SLC30A8: variants seen among roughly 807,000 people sequenced by gnomAD.
SLC30A8 encodes proton-coupled zinc antiporter SLC30A8.
In SLC30A8, 27 loss-of-function variants were observed where a neutral mutation model predicts 36.9. That is an observed-to-expected ratio of 0.73 (90% CI 0.54 to 1.01). The LOEUF is 1.01. SLC30A8 is among the 50% of genes least tolerant of loss of function. SLC30A8 has a pLI of 0.00. For missense variants in SLC30A8, 439 were observed against 452.0 expected (o/e 0.97, Z 0.26); for synonymous variants, 164 against 172.4 (o/e 0.95, Z 0.38).
chr8:117,151,025 C>G (rs994250190), intron 2 of SLC30A8, among the ~76,000 whole-genome samples: 1 of 151,994 alleles, frequency 6.6e-6, no homozygotes. Context: ...ATACCCCACA[C>G]AGGCGTTTCC....
intron 2 of SLC30A8, among the ~76,000 whole-genome samples, chr8:117,053,425 T>C (rs977002444): frequency 2.0e-5 from 3 of 152,170 alleles, no homozygotes; most frequent in African/African-American, 7.2e-5. Context: ...TCTGTGTCTC[T>C]TGCAAACAGA....
At chr8:116,990,521 A>G (rs1815599735) in intron 1 of SLC30A8, among the ~76,000 whole-genome samples, 1 of 152,220 alleles carries the variant, frequency 6.6e-6, no homozygotes, top group African/African-American at 2.4e-5. Context: ...GGAGAATTCT[A>G]CAAAATATCT....
At chr8:117,131,633 C>T (rs1821142873), upstream of SLC30A8, among the ~76,000 whole-genome samples, 1 of 151,928 alleles carries the variant, frequency 6.6e-6, no homozygotes. Context: ...TTTCAATAAC[C>T]TTTATTTCCT....
chr8:117,081,427 C>T (rs1818675371), intron 2 of SLC30A8, among the ~76,000 whole-genome samples: 2 of 152,198 alleles, frequency 1.3e-5, no homozygotes, highest in Non-Finnish European at 2.9e-5. Flanking sequence ...GCATCCTTGG[C>T]ATCTCTTCCT....
intron 1 of SLC30A8, among the ~76,000 whole-genome samples, chr8:116,965,609 G>T (rs1014482119): frequency 5.3e-5 from 8 of 151,978 alleles, no homozygotes; most frequent in African/African-American, 1.9e-4. Flanking sequence ...GATTTTGAGG[G>T]GCTTCCCATC....
chr8:117,097,106 A>G (rs1054150941), intron 2 of SLC30A8, among the ~76,000 whole-genome samples: 1 of 151,904 alleles, frequency 6.6e-6, no homozygotes, highest in African/African-American at 2.4e-5. Flanking sequence ...TTTAAAACTT[A>G]TATAAGTTCT....
chr8:117,055,565 G>A (rs949048539), intron 2 of SLC30A8, among the ~76,000 whole-genome samples: 1 of 152,168 alleles, frequency 6.6e-6, no homozygotes, highest in Non-Finnish European at 1.5e-5. Flanking sequence ...TACATTTCTT[G>A]TTGATATTTC....
intron 2 of SLC30A8, among the ~76,000 whole-genome samples, chr8:117,070,192 A>G (rs896825494): frequency 2.6e-5 from 4 of 152,210 alleles, no homozygotes; most frequent in Admixed American, 2.6e-4. Context: ...CTAATGAATC[A>G]AATAATGACA....
chr8:117,144,976 TGA>T (rs987101559), intron 1 of SLC30A8, among the ~76,000 whole-genome samples: 1 of 152,142 alleles, frequency 6.6e-6, no homozygotes, highest in Non-Finnish European at 1.5e-5. Flanking sequence ...TGTAGCAGTT[TGA>T]GAGGGGATAA....
At chr8:117,080,402 G>A (rs542345340) in intron 2 of SLC30A8, among the ~76,000 whole-genome samples, 3 of 152,114 alleles carry the variant, frequency 2.0e-5, no homozygotes, top group African/African-American at 7.2e-5. Flanking sequence ...TTGTTACAAA[G>A]GTATACTGTG....
chr8:116,959,174 A>G (rs913969434), intron 1 of SLC30A8, among the ~76,000 whole-genome samples: 3 of 151,910 alleles, frequency 2.0e-5, no homozygotes, highest in Non-Finnish European at 4.4e-5. Context: ...TTAAAAATTT[A>G]CTTTCTCTCT....
intron 2 of SLC30A8, among the ~76,000 whole-genome samples, chr8:117,053,372 A>G (rs1817769752): frequency 6.6e-6 from 1 of 152,218 alleles, no homozygotes; most frequent in Non-Finnish European, 1.5e-5. Context: ...GTCTGCATGT[A>G]CATGTATTTA....
chr8:117,060,784 C>T (rs1252476007), intron 2 of SLC30A8, among the ~76,000 whole-genome samples: 1 of 152,166 alleles, frequency 6.6e-6, no homozygotes, highest in East Asian at 1.9e-4. Flanking sequence ...TATTCTCTTT[C>T]TTCTTGAAAC....
chr8:117,161,948 AC>A, intron 5 of SLC30A8, 60 bp downstream of exon 5: 1 of 1,438,358 alleles, frequency 7.0e-7, no homozygotes, highest in South Asian at 1.4e-5. Flanking sequence ...ACAGAAGCTG[AC>A]CCTCCAACAT....
intron 1 of SLC30A8, among the ~76,000 whole-genome samples, chr8:116,983,702 C>G (rs992875718): frequency 6.6e-6 from 1 of 151,730 alleles, no homozygotes; most frequent in Non-Finnish European, 1.5e-5. Context: ...CTTTTTTCCC[C>G]TCTACTATTT....
chr8:117,038,366 G>A (rs1256742083), intron 1 of SLC30A8, among the ~76,000 whole-genome samples: 1 of 152,112 alleles, frequency 6.6e-6, no homozygotes, highest in Non-Finnish European at 1.5e-5. Flanking sequence ...AATAATTTAT[G>A]TGTGTATGCA....
At chr8:117,130,130 T>C (rs1236381183), upstream of SLC30A8, 1 of 152,010 alleles carries the variant, frequency 6.6e-6, no homozygotes, top group Non-Finnish European at 1.5e-5. Context: ...AATTCACTAA[T>C]ACCAAAAGAA....
intron 2 of SLC30A8, among the ~76,000 whole-genome samples, chr8:117,049,282 A>G (rs1358351911): frequency 1.3e-5 from 2 of 152,206 alleles, no homozygotes; most frequent in Admixed American, 6.5e-5. Flanking sequence ...CCACATGCCA[A>G]CCACTGGCAA....
intron 1 of SLC30A8, among the ~76,000 whole-genome samples, chr8:116,959,795 A>G (rs1329781545): frequency 6.6e-6 from 1 of 152,208 alleles, no homozygotes; most frequent in Non-Finnish European, 1.5e-5. Context: ...GCCTGTGTGA[A>G]GACTGGGTTT....
Sources: allele counts gnomAD v4.1 joint callset (sites outside exome capture counted in the v4.1 genomes callset), GRCh38; gene constraint gnomAD v4.1.1; transcripts MANE v1.5; gene names NCBI Gene and HGNC (gene_info 2026-07-23, HGNC 2026-07-21).